The following CAMKMT variants were observed in gnomAD, a reference collection of about 807,000 sequenced individuals.
CAMKMT encodes calmodulin-lysine N-methyltransferase.
In CAMKMT, 53 loss-of-function variants were observed where a neutral mutation model predicts 48.0. The ratio of observed to expected loss-of-function variants is 1.10; its 90% CI spans 0.89 to 1.39. The LOEUF (loss-of-function observed/expected upper bound fraction) is 1.39. Ranked by LOEUF, CAMKMT falls within the 40% of genes most tolerant of loss-of-function variation. The pLI, the probability that CAMKMT is intolerant of heterozygous loss-of-function variation, is 0.00. For missense variants in CAMKMT, 428 were observed against 402.7 expected, an observed-to-expected ratio of 1.06 and a Z score of -0.54; for synonymous variants, 165 against 152.3, an observed-to-expected ratio of 1.08 and a Z score of -0.61.
intron 3 of CAMKMT, among the ~76,000 whole-genome samples, chr2:44,410,914 G>T (rs183712386): frequency 2.6e-4 from 39 of 152,234 alleles, no homozygotes; most frequent in African/African-American, 9.4e-4. Context: ...GTATCATTAT[G>T]TATAAAATTA....
At chr2:44,413,673 AAAAG>A (rs1053784659) in intron 3 of CAMKMT, among the ~76,000 whole-genome samples, 6 of 151,962 alleles carry the variant, frequency 3.9e-5, no homozygotes, top group Admixed American at 6.6e-5. Flanking sequence ...AAAGAAAAGA[AAAAG>A]AAATTTAAGA....
At chr2:44,403,595 C>A (rs1682579926) in intron 3 of CAMKMT, among the ~76,000 whole-genome samples, 1 of 152,142 alleles carries the variant, frequency 6.6e-6, no homozygotes, top group Non-Finnish European at 1.5e-5. Context: ...TATGAACCTT[C>A]ATTTTGTTTC....
intron 3 of CAMKMT, among the ~76,000 whole-genome samples, chr2:44,510,097 A>G (rs1301128302): frequency 2.0e-5 from 3 of 152,178 alleles, no homozygotes; most frequent in Non-Finnish European, 4.4e-5. Context: ...TGACATTGAT[A>G]CTGTTAACTG....
At chr2:44,526,518 C>T (rs1391318604) in intron 3 of CAMKMT, among the ~76,000 whole-genome samples, 2 of 152,190 alleles carry the variant, frequency 1.3e-5, no homozygotes, top group Non-Finnish European at 1.5e-5. Context: ...GGACCAAGAA[C>T]CAGGTGGCCA....
At chr2:44,593,353 A>T (rs904722970) in intron 3 of CAMKMT, among the ~76,000 whole-genome samples, 3 of 152,196 alleles carry the variant, frequency 2.0e-5, no homozygotes, top group Non-Finnish European at 4.4e-5. Flanking sequence ...GTGCTTATCA[A>T]TACTCTGATG....
At chr2:44,760,737 C>G (rs113561403) in intron 9 of CAMKMT, among the ~76,000 whole-genome samples, 18 of 152,020 alleles carry the variant, frequency 1.2e-4, no homozygotes, top group African/African-American at 4.3e-4. Context: ...GGTGTACCTT[C>G]TAGAAAGATC....
chr2:44,390,537 G>T (rs992057256), intron 3 of CAMKMT, among the ~76,000 whole-genome samples: 24 of 151,108 alleles, frequency 1.6e-4, no homozygotes, highest in Non-Finnish European at 3.4e-4. Flanking sequence ...GTGGGGGGGA[G>T]GTGGGGGAGG....
intron 3 of CAMKMT, among the ~76,000 whole-genome samples, chr2:44,522,256 C>A (rs376031499): frequency 1.3e-5 from 2 of 152,076 alleles, no homozygotes; most frequent in African/African-American, 4.8e-5. Context: ...ATGCTCGCCT[C>A]GGCCTCTCAA....
chr2:44,557,746 T>A (rs1429421361), intron 3 of CAMKMT, among the ~76,000 whole-genome samples: 2 of 152,218 alleles, frequency 1.3e-5, no homozygotes, highest in African/African-American at 4.8e-5. Context: ...GGTGATCACT[T>A]TTTGTGGAGA....
intron 3 of CAMKMT, among the ~76,000 whole-genome samples, chr2:44,547,941 C>T (rs1667494831): frequency 6.6e-6 from 1 of 152,136 alleles, no homozygotes; most frequent in Non-Finnish European, 1.5e-5. Flanking sequence ...TACTGTCTCT[C>T]ATTGGCTGCT....
chr2:44,496,464 C>A (rs1037594847), intron 3 of CAMKMT, among the ~76,000 whole-genome samples: 2 of 152,178 alleles, frequency 1.3e-5, no homozygotes, highest in African/African-American at 4.8e-5. Flanking sequence ...ATGTATATTT[C>A]ATAGAGTAAC....
At chr2:44,526,888 C>G (rs986464522) in intron 3 of CAMKMT, among the ~76,000 whole-genome samples, 1 of 152,052 alleles carries the variant, frequency 6.6e-6, no homozygotes, top group African/African-American at 2.4e-5. Context: ...AGATATAGTT[C>G]ATACACATAC....
chr2:44,712,218 T>C (rs1451037865), intron 6 of CAMKMT, among the ~76,000 whole-genome samples: 1 of 151,998 alleles, frequency 6.6e-6, no homozygotes, highest in Admixed American at 6.6e-5. Flanking sequence ...TATAATCTCA[T>C]AGTTTCCTAC....
Position 44,628,960 on chromosome 2 carries a change from C to A in CAMKMT, c.377-75323C>A, listed in dbSNP as rs139760074. On this transcript the variant is annotated intron_variant, in intron 3 of 10. Coordinates refer to ENST00000378494, the MANE Select transcript of CAMKMT (RefSeq NM_024766.5). ...AAATGGTTTATCTGGGTAAATGTTTCATGTACACTTGAAAAAACATATATT... is the reference window on the plus strand; with the variant it reads ...AAATGGTTTATCTGGGTAAATGTTTAATGTACACTTGAAAAAACATATATT... 1.4e-3 allele frequency among the ~76,000 whole-genome samples: 213 copies of A among 152,180 alleles called. 1 individual carries two copies. In the East Asian group the frequency reaches 0.031, roughly 22 times the overall value.
intron 3 of CAMKMT, among the ~76,000 whole-genome samples, chr2:44,556,023 A>G (rs1490296257): frequency 6.6e-6 from 1 of 152,164 alleles, no homozygotes; most frequent in Non-Finnish European, 1.5e-5. Context: ...AAATCAAGAC[A>G]TGGGGCAGCA....
At chr2:44,720,952 C>T (rs572618893) in intron 7 of CAMKMT, among the ~76,000 whole-genome samples, 3 of 151,924 alleles carry the variant, frequency 2.0e-5, no homozygotes, top group South Asian at 2.1e-4. Context: ...GTTTTTTCTT[C>T]GATTATATTT....
rs145641273 is a variant in CAMKMT at position 44,537,108 on chromosome 2, G to A, written c.376+146803G>A. 1.5e-3 allele frequency among the ~76,000 whole-genome samples: 221 copies of A among 152,234 alleles called. 2 individuals are homozygous for A. The highest frequency in any genetic ancestry group is 5.0e-3 in the African/African-American group (206 of 41,546). On this transcript the variant is annotated intron_variant, in intron 3 of 10. Transcript: ENST00000378494. ...AGTTTAGGACACTGGTCTAGGCAAA[G>A]ATTTTATAGTTAAGACCTCCAAAGC...
At chr2:44,363,572 G>T (rs1449503457) in intron 1 of CAMKMT, among the ~76,000 whole-genome samples, 2 of 150,828 alleles carry the variant, frequency 1.3e-5, no homozygotes, top group Non-Finnish European at 2.9e-5. Context: ...TAGAGACGGG[G>T]TTTCTCCATG....
Position 44,761,999 on chromosome 2 carries a change from T to C in CAMKMT, c.763-4431T>C, listed in dbSNP as rs540231125. ...TATAGACTTGGGAGTTATTGGTCTA[T>C]AAGTGATAGCTGAAGCCATGGACAT... is the stretch of plus-strand genomic sequence containing the variant. On this transcript the variant is annotated intron_variant, in intron 9 of 10. Coordinates refer to ENST00000378494, the MANE Select transcript of CAMKMT (RefSeq NM_024766.5). 2.0e-5 allele frequency among the ~76,000 whole-genome samples: 3 copies of C among 152,334 alleles called. No individual in the cohort carries two copies. In the South Asian group the frequency reaches 6.2e-4, roughly 32 times the overall value.
Sources: gnomAD v4.1 joint callset for allele counts (sites outside exome capture counted in the v4.1 genomes callset) on GRCh38, gnomAD v4.1.1 for gene constraint, MANE v1.5 for transcripts, NCBI Gene and HGNC (gene_info 2026-07-23, HGNC 2026-07-21) for gene names.